CADM1: variants seen among roughly 807,000 people sequenced by gnomAD.
CADM1 encodes cell adhesion molecule 1, also known as TSLC-1.
CADM1 carries 15 observed loss-of-function variants against 53.1 expected under a neutral mutation model. That is an observed-to-expected ratio of 0.28 (90% CI 0.19 to 0.44). The LOEUF (loss-of-function observed/expected upper bound fraction) is 0.44. CADM1 is among the 20% of genes least tolerant of loss of function. The pLI is 1.00. For missense variants in CADM1, 434 were observed against 611.3 expected (o/e 0.71, Z 3.06); for synonymous variants, 281 against 243.0 (o/e 1.16, Z -1.45).
At chr11:115,240,557 T>C in intron 1 of CADM1, 137 bp from the exon 2 acceptor site, 2 of 860,848 alleles carry the variant, frequency 2.3e-6, no homozygotes, top group Non-Finnish European at 3.8e-6. Flanking sequence ...CTAATACCTT[T>C]CTTTGTAGTC....
chr11:115,501,326 A>T (rs1338626488), intron 1 of CADM1, among the ~76,000 whole-genome samples: 1 of 152,126 alleles, frequency 6.6e-6, no homozygotes, highest in Non-Finnish European at 1.5e-5. Flanking sequence ...CACTTTTGTA[A>T]AGTCTCTATC....
At chr11:115,381,472 C>T (rs1289514485) in intron 1 of CADM1, among the ~76,000 whole-genome samples, 1 of 151,972 alleles carries the variant, frequency 6.6e-6, no homozygotes, top group East Asian at 1.9e-4. Context: ...ACTGAGAGTC[C>T]ACAACATGTA....
At chr11:115,463,371 A>G (rs536054002) in intron 1 of CADM1, among the ~76,000 whole-genome samples, 16 of 152,154 alleles carry the variant, frequency 1.1e-4, no homozygotes, top group Non-Finnish European at 2.4e-4. Flanking sequence ...AACATATAAT[A>G]TTTTTATATC....
intron 3 of CADM1, among the ~76,000 whole-genome samples, chr11:115,234,636 T>G (rs1410278104): frequency 6.6e-6 from 1 of 152,102 alleles, no homozygotes; most frequent in Admixed American, 6.5e-5. Flanking sequence ...CTCACGCCTG[T>G]AATGCCAGCA....
chr11:115,423,726 T>A (rs966118761), intron 1 of CADM1, among the ~76,000 whole-genome samples: 2 of 152,180 alleles, frequency 1.3e-5, no homozygotes, highest in Non-Finnish European at 2.9e-5. Flanking sequence ...GCAGAACACA[T>A]ACATGTTTTA....
intron 1 of CADM1, among the ~76,000 whole-genome samples, chr11:115,478,405 G>A (rs578181393): frequency 6.6e-6 from 1 of 152,166 alleles, no homozygotes; most frequent in South Asian, 2.1e-4. Flanking sequence ...TTAAAAATCT[G>A]TATGATGTTT....
At chr11:115,397,643 G>C (rs1947035096) in intron 1 of CADM1, 1 of 152,104 alleles carries the variant, frequency 6.6e-6, no homozygotes, top group South Asian at 2.1e-4. Flanking sequence ...GAGCATAAAA[G>C]TCAAACTTGA....
chr11:115,498,211 T>C (rs1949662581), intron 1 of CADM1, among the ~76,000 whole-genome samples: 1 of 152,222 alleles, frequency 6.6e-6, no homozygotes, highest in Non-Finnish European at 1.5e-5. Flanking sequence ...ACTTACAGCC[T>C]GATGCATGAG....
intron 1 of CADM1, among the ~76,000 whole-genome samples, chr11:115,252,439 T>C (rs759537013): frequency 6.6e-6 from 1 of 152,248 alleles, no homozygotes; most frequent in Non-Finnish European, 1.5e-5. Context: ...TTAGCTATAA[T>C]TGTTTTAATT....
rs1387092815 is a variant in CADM1 at position 115,308,192 on chromosome 11, G to GTATATATATATA, written c.125-67773_125-67772insTATATATATATA. Among the ~76,000 whole-genome samples the GTATATATATATA allele has an allele frequency of 9.5e-3, 670 of 70,456 alleles. 15 individuals carry two copies. Among genetic ancestry groups the GTATATATATATA allele is most frequent in the African/African-American group, 0.04 (629 of 15,752 alleles). 46.2% of individuals were successfully genotyped at this position (70,456 alleles called of 152,430 possible). ...GTGTGTGTGTATATCACTCATAGGT[G>GTATATATATATA]TGTATATATATATATATATACACAC... is the stretch of plus-strand genomic sequence containing the variant. On this transcript the variant is annotated intron_variant, in intron 1 of 11. Coordinates refer to ENST00000331581, the MANE Select transcript of CADM1 (RefSeq NM_001301043.2).
chr11:115,317,710 T>C (rs1322088516), intron 1 of CADM1, among the ~76,000 whole-genome samples: 1 of 152,204 alleles, frequency 6.6e-6, no homozygotes, highest in Non-Finnish European at 1.5e-5. Context: ...TCATCTGGCA[T>C]GAAGCTGCAA....
chr11:115,354,037 C>A (rs1257704008), intron 1 of CADM1, among the ~76,000 whole-genome samples: 2 of 152,026 alleles, frequency 1.3e-5, no homozygotes, highest in Admixed American at 6.6e-5. Context: ...GCACACAGTA[C>A]AAAATTAATA....
At chr11:115,465,538 GTACCTTC>G (rs1232134903) in intron 1 of CADM1, among the ~76,000 whole-genome samples, 3 of 152,160 alleles carry the variant, frequency 2.0e-5, no homozygotes, top group African/African-American at 7.2e-5. Flanking sequence ...CCCTTACCAA[GTACCTTC>G]TACCATGAAA....
chr11:115,379,584 A>G (rs1210147692), intron 1 of CADM1, among the ~76,000 whole-genome samples: 1 of 152,226 alleles, frequency 6.6e-6, no homozygotes, highest in East Asian at 1.9e-4. Flanking sequence ...TTTGACTCCA[A>G]TAAAGCTAAG....
intron 6 of CADM1, among the ~76,000 whole-genome samples, chr11:115,217,676 C>G (rs1343049715): frequency 2.0e-5 from 3 of 152,154 alleles, no homozygotes; most frequent in African/African-American, 7.2e-5. Context: ...GCTGAGATTT[C>G]AATCTTAGCG....
Position 115,256,899 on chromosome 11 carries a change from T to C in CADM1, c.125-16479A>G, listed in dbSNP as rs566029361. On this transcript the variant is annotated intron_variant, in intron 1 of 11. Coordinates refer to ENST00000331581, the MANE Select transcript of CADM1 (RefSeq NM_001301043.2). ...TCTGAACAGTTTTCTGCTGGGTTAC[T>C]AAGTGCAGTTTCAGAGAGAATAACA... is the stretch of plus-strand genomic sequence containing the variant. 114 of 456,102 alleles carry C rather than the reference T, an allele frequency of 2.5e-4. 2 individuals carry two copies. The highest frequency in any genetic ancestry group is 1.7e-3 in the South Asian group (108 of 64,554). 28.3% of individuals were successfully genotyped at this position (456,102 alleles called of 1,614,324 possible).
chr11:115,496,471 G>A (rs1949616467), intron 1 of CADM1, among the ~76,000 whole-genome samples: 1 of 152,166 alleles, frequency 6.6e-6, no homozygotes, highest in Non-Finnish European at 1.5e-5. Flanking sequence ...GTCCCATCAG[G>A]ATTAAGCTGA....
intron 1 of CADM1, among the ~76,000 whole-genome samples, chr11:115,317,531 G>A (rs563272420): frequency 1.3e-5 from 2 of 152,322 alleles, no homozygotes; most frequent in African/African-American, 2.4e-5. Context: ...CATAAGGAAT[G>A]GCTTTTACCA....
chr11:115,213,201 A>G (rs1477007012), intron 7 of CADM1, among the ~76,000 whole-genome samples: 1 of 152,196 alleles, frequency 6.6e-6, no homozygotes. Flanking sequence ...GAGCACATGC[A>G]GAAAAAGGGA....
Sources: allele counts gnomAD v4.1 joint callset (sites outside exome capture counted in the v4.1 genomes callset), GRCh38; gene constraint gnomAD v4.1.1; transcripts MANE v1.5; gene names NCBI Gene and HGNC (gene_info 2026-07-23, HGNC 2026-07-21).